Variants in DAGLA observed in about 807,000 individuals in gnomAD.
DAGLA encodes the protein diacylglycerol lipase-alpha.
DAGLA carries 22 observed loss-of-function variants against 102.6 expected under a neutral mutation model. The ratio of observed to expected loss-of-function variants is 0.21; its 90% CI spans 0.15 to 0.31. The LOEUF (loss-of-function observed/expected upper bound fraction) is 0.31, where lower values mean the gene tolerates loss of function less well. Ranked by LOEUF, DAGLA falls within the 10% of genes least tolerant of loss-of-function variation. The pLI is 1.00. For synonymous variants in DAGLA, 578 were observed against 628.9 expected, an observed-to-expected ratio of 0.92 and a Z score of 1.21; for missense variants, 927 against 1,446.6, an observed-to-expected ratio of 0.64 and a Z score of 5.83.
chr11:61,710,358 GA>G (rs2065184665), intron 1 of DAGLA, among the ~76,000 whole-genome samples: 1 of 151,732 alleles, frequency 6.6e-6, no homozygotes, highest in Admixed American at 6.6e-5. Context: ...AGGGAGGGGG[GA>G]CCGCTACCTC....
At position 61,728,279 on chromosome 11, in the gene DAGLA, C is replaced by T. The variant is rs1253034096; in HGVS notation, c.763C>T (p.Leu255=). Residue 255 remains leucine, a synonymous_variant, in exon 7 of 20, where the codon CTG becomes TTG. Transcript: ENST00000257215. ...QRQRAKRNAV[L]DEANNDILAF... The stretch of plus-strand genomic sequence containing the variant: ...GCAGCGGGCCAAGCGCAACGCCGTG[C>T]TGGACGAGGTGAGCACCACCAGCCC... 1 of 1,611,406 alleles carries T rather than the reference C, an allele frequency of 6.2e-7. No individual in the cohort carries two copies. Among genetic ancestry groups the T allele is most frequent in the Non-Finnish European group, 8.5e-7 (1 of 1,179,928 alleles).
At chr11:61,702,934 G>A (rs1311373835) in intron 1 of DAGLA, among the ~76,000 whole-genome samples, 3 of 152,166 alleles carry the variant, frequency 2.0e-5, no homozygotes, top group Admixed American at 1.3e-4. Context: ...TCCCTGCCTC[G>A]CCCACAGCGT....
intron 12 of DAGLA, 118 bp from the exon 13 acceptor site, chr11:61,736,152 T>C: frequency 1.2e-6 from 1 of 818,244 alleles, no homozygotes; most frequent in Non-Finnish European, 2.0e-6. Flanking sequence ...AGCTGGGTTG[T>C]CACGAGGCCC....
intron 9 of DAGLA, among the ~76,000 whole-genome samples, chr11:61,733,979 C>T (rs779108093): frequency 6.6e-6 from 1 of 152,154 alleles, no homozygotes; most frequent in Admixed American, 6.5e-5. Context: ...CTGCTGAACA[C>T]GCTGGCAGCA....
At chr11:61,727,015 G>C (rs984321688) in intron 6 of DAGLA, among the ~76,000 whole-genome samples, 1 of 152,228 alleles carries the variant, frequency 6.6e-6, no homozygotes, top group Non-Finnish European at 1.5e-5. Context: ...TGGGGCTGCT[G>C]TGTGGAGGGC....
intron 1 of DAGLA, among the ~76,000 whole-genome samples, chr11:61,681,349 C>T (rs2135542528): frequency 6.6e-6 from 1 of 152,272 alleles, no homozygotes; most frequent in South Asian, 2.1e-4. Flanking sequence ...CTTCCAGGCA[C>T]TACCGTTGTC....
At chr11:61,695,303 G>A (rs926389365) in intron 1 of DAGLA, among the ~76,000 whole-genome samples, 1 of 152,218 alleles carries the variant, frequency 6.6e-6, no homozygotes, top group Non-Finnish European at 1.5e-5. Flanking sequence ...GTCTGCCTGG[G>A]GCTGAGCAGT....
intron 1 of DAGLA, among the ~76,000 whole-genome samples, chr11:61,712,912 A>C (rs564242304): frequency 6.6e-6 from 1 of 152,292 alleles, no homozygotes; most frequent in African/African-American, 2.4e-5. Context: ...GCTACTTGAA[A>C]TCCCAGCTCT....
At chr11:61,691,149 G>A (rs1032161380) in intron 1 of DAGLA, among the ~76,000 whole-genome samples, 1 of 152,158 alleles carries the variant, frequency 6.6e-6, no homozygotes, top group African/African-American at 2.4e-5. Context: ...CCTTCCCCAG[G>A]TGAACCCTAT....
chr11:61,745,776 TAAGG>T lies in DAGLA; in HGVS notation c.*1292_*1295del, dbSNP rs1248181507. 6.6e-6 allele frequency: 1 copy of T among 152,320 alleles called. No homozygotes were observed. The highest frequency in any genetic ancestry group is 1.9e-4 in the East Asian group (1 of 5,284). The allele number at this position is 152,320 out of a possible 1,614,324, so 9.4% of individuals were successfully genotyped here. A position where few individuals can be genotyped will look rare whatever the true frequency, so the allele number is the denominator to read the frequency against. On this transcript the variant is annotated 3_prime_UTR_variant, in exon 20 of 20. Transcript: ENST00000257215. ...CATGTGCATGAGTGTGCACCGTTCC[TAAGG>T]AAGGGGCCTCTGGGGCTGCCCACCC...
intron 19 of DAGLA, among the ~76,000 whole-genome samples, chr11:61,741,767 G>A (rs34699297): frequency 0.21 from 32,351 of 151,624 alleles, 3,537 homozygotes; most frequent in South Asian, 0.34. Context: ...GCCTGCCACC[G>A]TGCCCAGCTA....
At chr11:61,705,567 T>C (rs188748177) in intron 1 of DAGLA, among the ~76,000 whole-genome samples, 5 of 152,350 alleles carry the variant, frequency 3.3e-5, no homozygotes, top group African/African-American at 9.6e-5. Context: ...CCTAGTTCTA[T>C]AGGCAGCCTC....
intron 1 of DAGLA, among the ~76,000 whole-genome samples, chr11:61,716,996 C>A (rs540585719): frequency 1.3e-5 from 2 of 152,128 alleles, no homozygotes; most frequent in Non-Finnish European, 2.9e-5. Context: ...CCTGTGGCCC[C>A]TGCTGGAAGG....
chr11:61,695,202 CG>C (rs1195747742), intron 1 of DAGLA, among the ~76,000 whole-genome samples: 3 of 152,148 alleles, frequency 2.0e-5, no homozygotes, highest in Admixed American at 2.0e-4. Context: ...TCTGGGGAAC[CG>C]GGTGGGAGGA....
At chr11:61,705,499 GCT>G (rs2065141683) in intron 1 of DAGLA, among the ~76,000 whole-genome samples, 1 of 152,162 alleles carries the variant, frequency 6.6e-6, no homozygotes, top group African/African-American at 2.4e-5. Flanking sequence ...TGCTTGTTCC[GCT>G]CTGCTCTCTC....
In DAGLA at chr11:61,737,081, A is replaced by G. The variant is rs572292513; in HGVS notation, c.1372-101A>G. 13 of 1,495,190 alleles carry G rather than the reference A, an allele frequency of 8.7e-6. No individual in the cohort carries two copies. The South Asian group carries it at 1.5e-4, about 18-fold the overall frequency. 92.6% of individuals were successfully genotyped at this position (1,495,190 alleles called of 1,614,324 possible). A position where few individuals can be genotyped will look rare whatever the true frequency, so the allele number is the denominator to read the frequency against. On this transcript the variant is annotated intron_variant, in intron 13 of 19. Transcript: ENST00000257215. ...CACACAGCACAGACAAGATCCCAGG[A>G]CTCTGGGAAGATGGGAAGACCCTCT...
chr11:61,689,143 C>T (rs1483489142), intron 1 of DAGLA, among the ~76,000 whole-genome samples: 1 of 152,268 alleles, frequency 6.6e-6, no homozygotes, highest in Non-Finnish European at 1.5e-5. Flanking sequence ...TTAGCCAACT[C>T]CCACTTCATC....
intron 1 of DAGLA, among the ~76,000 whole-genome samples, chr11:61,690,445 A>G (rs1206592012): frequency 2.0e-5 from 3 of 152,160 alleles, no homozygotes; most frequent in Admixed American, 6.5e-5. Flanking sequence ...AGCAGCCACA[A>G]TGGCAAAAGC....
intron 5 of DAGLA, among the ~76,000 whole-genome samples, chr11:61,725,530 G>C (rs1266357853): frequency 2.6e-5 from 4 of 152,202 alleles, no homozygotes; most frequent in Admixed American, 1.3e-4. Context: ...GGAAAAGCAG[G>C]TCTTTCTGGA....
Sources: allele counts gnomAD v4.1 joint callset (sites outside exome capture counted in the v4.1 genomes callset), GRCh38; gene constraint gnomAD v4.1.1; transcripts MANE v1.5; gene names NCBI Gene and HGNC (gene_info 2026-07-23, HGNC 2026-07-21).